The following FBXL17 variants were observed in gnomAD, a reference collection of about 807,000 sequenced individuals.
FBXL17 encodes the protein F-box and leucine rich repeat protein 17.
A neutral mutation model predicts 66.2 loss-of-function variants in FBXL17; 22 were observed. The ratio of observed to expected loss-of-function variants is 0.33; its 90% confidence interval spans 0.24 to 0.47. FBXL17 has a LOEUF of 0.47. Among genes scored for constraint, FBXL17 ranks in the 20% least tolerant of loss-of-function variants. The pLI is 1.00. For synonymous variants in FBXL17, 474 were observed against 400.5 expected (o/e 1.18, Z -2.19); for missense variants, 878 against 948.2 (o/e 0.93, Z 0.97).
chr5:108,353,978 C>A (rs1370261150), intron 3 of FBXL17, among the ~76,000 whole-genome samples: 1 of 152,032 alleles, frequency 6.6e-6, no homozygotes, highest in African/African-American at 2.4e-5. Flanking sequence ...GGATTTTTTT[C>A]AGATTTTTGA....
At chr5:107,920,268 G>A (rs1224282760) in intron 7 of FBXL17, among the ~76,000 whole-genome samples, 2 of 152,104 alleles carry the variant, frequency 1.3e-5, no homozygotes, top group African/African-American at 4.8e-5. Context: ...GCAACGGCGC[G>A]ACCTTGGCTC....
At chr5:108,310,938 T>G (rs1056284964) in intron 4 of FBXL17, among the ~76,000 whole-genome samples, 1 of 152,168 alleles carries the variant, frequency 6.6e-6, no homozygotes, top group African/African-American at 2.4e-5. Context: ...CCTCTCAGCA[T>G]TCCCTCTGCC....
intron 4 of FBXL17, among the ~76,000 whole-genome samples, chr5:108,241,680 C>G (rs139627571): frequency 1.3e-5 from 2 of 152,054 alleles, no homozygotes. Flanking sequence ...AGAAGAAAGA[C>G]TACCTTAATG....
chr5:108,147,275 G>A (rs17161091), intron 6 of FBXL17, among the ~76,000 whole-genome samples: 6,039 of 152,280 alleles, frequency 0.04, 183 homozygotes, highest in African/African-American at 0.082. Flanking sequence ...AGGCAACAAC[G>A]TCTTTCTCTG....
At chr5:108,171,163 G>A (rs1240022642) in intron 6 of FBXL17, among the ~76,000 whole-genome samples, 2 of 152,074 alleles carry the variant, frequency 1.3e-5, no homozygotes, top group African/African-American at 2.4e-5. Flanking sequence ...TAGCAGTACT[G>A]GAAACTGCAA....
At chr5:108,271,944 G>C (rs868696372) in intron 4 of FBXL17, among the ~76,000 whole-genome samples, 1 of 152,138 alleles carries the variant, frequency 6.6e-6, no homozygotes, top group Non-Finnish European at 1.5e-5. Flanking sequence ...GCCTTATAGG[G>C]TGGTAATGAA....
At chr5:108,005,097 T>C (rs1234707965) in intron 7 of FBXL17, among the ~76,000 whole-genome samples, 1 of 151,840 alleles carries the variant, frequency 6.6e-6, no homozygotes, top group East Asian at 1.9e-4. Flanking sequence ...CAATGACTTT[T>C]TTTTTTTTTT....
chr5:107,969,838 C>T (rs6867577), intron 7 of FBXL17, among the ~76,000 whole-genome samples: 3 of 152,102 alleles, frequency 2.0e-5, no homozygotes, highest in Admixed American at 2.0e-4. Context: ...GTGGGGAATA[C>T]ATGGGTTTGA....
chr5:107,930,280 T>C (rs1219370976), intron 7 of FBXL17, among the ~76,000 whole-genome samples: 2 of 152,166 alleles, frequency 1.3e-5, no homozygotes, highest in African/African-American at 2.4e-5. Flanking sequence ...TCTTCCATCA[T>C]TTCCTTCGAC....
At chr5:108,141,927 C>T (rs1751366231) in intron 6 of FBXL17, among the ~76,000 whole-genome samples, 1 of 152,218 alleles carries the variant, frequency 6.6e-6, no homozygotes, top group Admixed American at 6.5e-5. Context: ...AGTTGATTGA[C>T]TTGCTCTCTG....
intron 5 of FBXL17, among the ~76,000 whole-genome samples, chr5:108,206,509 T>C (rs1296316996): frequency 6.6e-6 from 1 of 152,162 alleles, no homozygotes; most frequent in African/African-American, 2.4e-5. Context: ...AGTCGTCACA[T>C]GCTCCATTGT....
intron 6 of FBXL17, among the ~76,000 whole-genome samples, chr5:108,142,235 A>G (rs1008128471): frequency 2.6e-5 from 4 of 152,220 alleles, no homozygotes; most frequent in Admixed American, 6.5e-5. Flanking sequence ...TTCAGAAACT[A>G]TAAGAGGCTC....
At chr5:107,905,673 G>A (rs932734635) in intron 7 of FBXL17, among the ~76,000 whole-genome samples, 1 of 152,146 alleles carries the variant, frequency 6.6e-6, no homozygotes, top group Non-Finnish European at 1.5e-5. Context: ...GTGCATGTAT[G>A]TATATATCTT....
intron 4 of FBXL17, among the ~76,000 whole-genome samples, chr5:108,344,286 TA>T (rs544826795): frequency 1.6e-4 from 24 of 152,134 alleles, no homozygotes; most frequent in Non-Finnish European, 3.1e-4. Flanking sequence ...CAAAGGACTC[TA>T]AGAGAAGTCA....
intron 4 of FBXL17, among the ~76,000 whole-genome samples, chr5:108,343,857 G>A (rs1747068139): frequency 6.6e-6 from 1 of 152,114 alleles, no homozygotes; most frequent in Non-Finnish European, 1.5e-5. Flanking sequence ...TTAGTAAACT[G>A]CAGAAAGCAA....
rs28413648 is a variant in FBXL17, at chr5:107,946,634, T to C, written c.1823-65455A>G. Among the ~76,000 whole-genome samples the C allele has an allele frequency of 9.4e-3, 1,422 of 152,020 alleles. 19 individuals carry two copies. Among genetic ancestry groups the C allele is most frequent in the African/African-American group, 0.033 (1,357 of 41,460 alleles). On this transcript the variant is annotated intron_variant, in intron 7 of 8. Coordinates refer to ENST00000542267, the MANE Select transcript of FBXL17 (RefSeq NM_001163315.3). ...TCTCATTTAATCTTGAATCACAATCTTGTATCTTGAAATCTTTGTCAGGGA... is the reference window on the plus strand; with the variant it reads ...TCTCATTTAATCTTGAATCACAATCCTGTATCTTGAAATCTTTGTCAGGGA...
At chr5:108,283,900 A>G (rs1237631924) in intron 4 of FBXL17, among the ~76,000 whole-genome samples, 1 of 152,140 alleles carries the variant, frequency 6.6e-6, no homozygotes, top group East Asian at 1.9e-4. Context: ...ATTTTTCAAA[A>G]GAAGAAATAA....
At chr5:107,907,770 G>C (rs976295827) in intron 7 of FBXL17, among the ~76,000 whole-genome samples, 49 of 152,246 alleles carry the variant, frequency 3.2e-4, no homozygotes, top group African/African-American at 1.2e-3. Context: ...AGTTAGAATG[G>C]CAATCATTAA....
chr5:108,255,009 A>C (rs894330027), intron 4 of FBXL17, among the ~76,000 whole-genome samples: 1 of 152,210 alleles, frequency 6.6e-6, no homozygotes, highest in Non-Finnish European at 1.5e-5. Flanking sequence ...GTGAGTGTAC[A>C]AAGGGCTCAT....
Sources: allele counts gnomAD v4.1 joint callset (sites outside exome capture counted in the v4.1 genomes callset), GRCh38; gene constraint gnomAD v4.1.1; transcripts MANE v1.5; gene names NCBI Gene and HGNC (gene_info 2026-07-23, HGNC 2026-07-21).